Variants in HDAC8 observed in about 807,000 individuals in gnomAD.
HDAC8 encodes histone deacetylase-like 1.
HDAC8 carries 1 observed loss-of-function variant against 32.2 expected under a neutral mutation model. The observed-to-expected ratio is 0.03, with a 90% confidence interval of 0.01 to 0.15. The LOEUF is 0.15. HDAC8 is among the 10% of genes least tolerant of loss of function. The probability of loss-of-function intolerance (pLI) is 1.00; values close to 1 mark genes in which losing one functional copy is unlikely to be tolerated. For synonymous variants in HDAC8, 108 were observed against 113.9 expected, an observed-to-expected ratio of 0.95 and a Z score of 0.33; for missense variants, 117 against 300.0, an observed-to-expected ratio of 0.39 and a Z score of 4.51.
intron 10 of HDAC8, among the ~76,000 whole-genome samples, chrX:72,341,390 C>G (rs191175591): frequency 0.013 from 1,442 of 112,084 alleles, 26 homozygotes; most frequent in African/African-American, 0.045. Flanking sequence ...GCTGCCATAG[C>G]TGCCACCACC....
At chrX:72,562,597 G>T (rs889039451) in intron 4 of HDAC8, among the ~76,000 whole-genome samples, 9 of 110,596 alleles carry the variant, frequency 8.1e-5, no homozygotes, top group African/African-American at 2.6e-4. Context: ...TGGGTGATGG[G>T]TGCACCAAAA....
intron 9 of HDAC8, among the ~76,000 whole-genome samples, chrX:72,442,869 A>T (rs2047204800): frequency 9.1e-6 from 1 of 110,479 alleles, no homozygotes; most frequent in South Asian, 3.9e-4. Context: ...AAACAAAAAA[A>T]GGCAGGGGTT....
At chrX:72,433,587 A>G (rs1463248615) in intron 9 of HDAC8, among the ~76,000 whole-genome samples, 3 of 112,157 alleles carry the variant, frequency 2.7e-5, no homozygotes, top group African/African-American at 9.7e-5. Flanking sequence ...GTCTGAAATT[A>G]TACCCAATAT....
intron 9 of HDAC8, among the ~76,000 whole-genome samples, chrX:72,399,664 T>C (rs1311726646): frequency 8.9e-6 from 1 of 112,135 alleles, no homozygotes; most frequent in Non-Finnish European, 1.9e-5. Context: ...TGGCTTCAAG[T>C]GATTCTCCCA....
chrX:72,443,175 C>T (rs1410050093), intron 9 of HDAC8, among the ~76,000 whole-genome samples: 3 of 110,968 alleles, frequency 2.7e-5, no homozygotes, highest in African/African-American at 9.9e-5. Context: ...CAGCTCTCCA[C>T]CAAGCACACC....
chrX:72,413,391 T>C (rs782080468), intron 9 of HDAC8, among the ~76,000 whole-genome samples: 1 of 107,080 alleles, frequency 9.3e-6, no homozygotes, highest in East Asian at 3.1e-4. Context: ...CACCATGGAA[T>C]ACTATGCAGC....
intron 9 of HDAC8, among the ~76,000 whole-genome samples, chrX:72,417,002 G>A (rs782311330): frequency 9.0e-6 from 1 of 110,811 alleles, no homozygotes; most frequent in East Asian, 2.8e-4. Context: ...TAATATTATT[G>A]TAATAAAATG....
At chrX:72,388,351 C>G (rs782780808) in intron 9 of HDAC8, among the ~76,000 whole-genome samples, 45 of 109,669 alleles carry the variant, frequency 4.1e-4, no homozygotes, top group African/African-American at 1.4e-3. Context: ...AAGTCCCACC[C>G]CACAACTCCT....
intron 7 of HDAC8, among the ~76,000 whole-genome samples, chrX:72,479,410 G>A (rs965932885): frequency 9.0e-6 from 1 of 111,515 alleles, no homozygotes; most frequent in Non-Finnish European, 1.9e-5. Flanking sequence ...GCAGAGTTAT[G>A]TTAAAGGGTG....
intron 4 of HDAC8, among the ~76,000 whole-genome samples, chrX:72,564,984 G>A (rs2051727094): frequency 8.9e-6 from 1 of 112,111 alleles, no homozygotes; most frequent in Non-Finnish European, 1.9e-5. Flanking sequence ...CAAGAATATT[G>A]TTACTGGCCC....
intron 7 of HDAC8, among the ~76,000 whole-genome samples, chrX:72,466,479 C>T (rs1258869523): frequency 8.9e-6 from 1 of 112,125 alleles, no homozygotes; most frequent in African/African-American, 3.2e-5. Context: ...GCTCTACAGA[C>T]GTAACTCTTG....
chrX:72,516,496 G>A (rs781796518), intron 4 of HDAC8, among the ~76,000 whole-genome samples: 2 of 110,809 alleles, frequency 1.8e-5, no homozygotes, highest in South Asian at 7.7e-4. Flanking sequence ...CCTTTCTTAA[G>A]GGCTTCTGAA....
At chrX:72,470,391 C>T (rs2048138883) in intron 7 of HDAC8, among the ~76,000 whole-genome samples, 1 of 110,897 alleles carries the variant, frequency 9.0e-6, no homozygotes, top group Non-Finnish European at 1.9e-5. Context: ...CTTTTCTCTA[C>T]CTGAAAATGT....
intron 6 of HDAC8, among the ~76,000 whole-genome samples, chrX:72,490,437 G>A (rs1556008628): frequency 9.3e-6 from 1 of 107,964 alleles, no homozygotes; most frequent in African/African-American, 3.4e-5. Context: ...AAAAGGATGA[G>A]TTCATGTCCT....
chrX:72,450,605 T>C (rs1324968554), intron 9 of HDAC8, among the ~76,000 whole-genome samples: 1 of 111,258 alleles, frequency 9.0e-6, no homozygotes, highest in Non-Finnish European at 1.9e-5. Context: ...AAGGAAATCA[T>C]TGGATGAGAT....
intron 7 of HDAC8, among the ~76,000 whole-genome samples, chrX:72,481,201 G>A (rs782596300): frequency 1.8e-5 from 2 of 111,153 alleles, no homozygotes; most frequent in African/African-American, 6.5e-5. Context: ...AGAGTGAAGG[G>A]GGGAAAGCCC....
chrX:72,519,049 T>C (rs2024888612), intron 4 of HDAC8, among the ~76,000 whole-genome samples: 1 of 112,585 alleles, frequency 8.9e-6, no homozygotes, highest in Non-Finnish European at 1.9e-5. Context: ...TGTGTATACG[T>C]TTTCATGTGG....
At chrX:72,431,293 C>G (rs931438494) in intron 9 of HDAC8, among the ~76,000 whole-genome samples, 1 of 111,845 alleles carries the variant, frequency 8.9e-6, no homozygotes, top group Non-Finnish European at 1.9e-5. Flanking sequence ...GTATCATGGG[C>G]CAAAATCCAT....
intron 7 of HDAC8, among the ~76,000 whole-genome samples, chrX:72,482,220 A>G (rs1569332318): frequency 1.8e-5 from 2 of 111,379 alleles, no homozygotes; most frequent in Non-Finnish European, 3.8e-5. Flanking sequence ...TTAAAAATGC[A>G]TGATGTTAAA....
Sources: gnomAD v4.1 joint callset for allele counts (sites outside exome capture counted in the v4.1 genomes callset) on GRCh38, gnomAD v4.1.1 for gene constraint, MANE v1.5 for transcripts, NCBI Gene and HGNC (gene_info 2026-07-23, HGNC 2026-07-21) for gene names.